MRPL13: variants seen among roughly 807,000 people sequenced by gnomAD.
The protein encoded by MRPL13 is mitochondrial ribosomal protein L13, also known as large ribosomal subunit protein uL13m.
A neutral mutation model predicts 29.0 loss-of-function variants in MRPL13; 33 were observed. The observed-to-expected ratio is 1.14, with a 90% CI of 0.86 to 1.52. MRPL13 has a LOEUF of 1.52. MRPL13 is among the 40% of genes most tolerant of loss of function. MRPL13 has a pLI of 0.00. For synonymous variants in MRPL13, 77 were observed against 68.4 expected (o/e 1.13, Z -0.62); for missense variants, 227 against 216.7 (o/e 1.05, Z -0.30).
At chr8:120,396,920 T>A (rs891603221) in intron 6 of MRPL13, among the ~76,000 whole-genome samples, 33 of 152,204 alleles carry the variant, frequency 2.2e-4, no homozygotes, top group African/African-American at 7.7e-4. Context: ...CCCAGAGGAA[T>A]GAAAATGGCA....
At chr8:120,437,216 A>G (rs959569878) in intron 2 of MRPL13, among the ~76,000 whole-genome samples, 2 of 152,214 alleles carry the variant, frequency 1.3e-5, no homozygotes, top group African/African-American at 4.8e-5. Flanking sequence ...TTAACTGAAT[A>G]GTAAGAGAAA....
chr8:120,420,779 T>C (rs951630058), intron 4 of MRPL13, among the ~76,000 whole-genome samples: 2 of 151,864 alleles, frequency 1.3e-5, no homozygotes, highest in African/African-American at 4.8e-5. Context: ...CTCTGAATAT[T>C]ATCATAAAGG....
chr8:120,399,292 A>G (rs1812560766), intron 6 of MRPL13, among the ~76,000 whole-genome samples: 1 of 152,172 alleles, frequency 6.6e-6, no homozygotes, highest in African/African-American at 2.4e-5. Flanking sequence ...CTAACAGTGG[A>G]CCTCTCAGTA....
At chr8:120,441,298 C>G (rs1196616032) in intron 2 of MRPL13, among the ~76,000 whole-genome samples, 1 of 152,126 alleles carries the variant, frequency 6.6e-6, no homozygotes, top group African/African-American at 2.4e-5. Context: ...GCAGTCAAAA[C>G]TGGAGATTTA....
At chr8:120,413,701 T>A (rs1812767976) in intron 6 of MRPL13, among the ~76,000 whole-genome samples, 1 of 152,206 alleles carries the variant, frequency 6.6e-6, no homozygotes, top group Non-Finnish European at 1.5e-5. Context: ...TTTAGATTAA[T>A]AACAATTCAT....
Position 120,404,385 on chromosome 8 carries a change from G to C in MRPL13, c.516-8260C>G, listed in dbSNP as rs372494364. Among the ~76,000 whole-genome samples the C allele has an allele frequency of 7.3e-4, 111 of 152,238 alleles. 1 individual carries two copies. Among genetic ancestry groups the C allele is most frequent in the African/African-American group, 2.6e-3 (106 of 41,550 alleles). ...TGGAATTTAGAAGTAAAATTGAATG[G>C]TATAATCCACCACATAAAGGAATGT... is the stretch of plus-strand genomic sequence containing the variant. On this transcript the variant is annotated intron_variant, in intron 6 of 6. Transcript: ENST00000306185.
chr8:120,416,996 A>AT (rs566913126), intron 5 of MRPL13, among the ~76,000 whole-genome samples: 148 of 152,294 alleles, frequency 9.7e-4, no homozygotes, highest in Non-Finnish European at 2.6e-4. Flanking sequence ...TTTAGTTACT[A>AT]TATTATGTTG....
intron 3 of MRPL13, among the ~76,000 whole-genome samples, chr8:120,425,779 T>C (rs1311097041): frequency 1.3e-5 from 2 of 152,178 alleles, no homozygotes; most frequent in Non-Finnish European, 2.9e-5. Flanking sequence ...CACTTGGTTC[T>C]GAATTAAGTT....
At chr8:120,433,545 A>G (rs1813020463) in intron 2 of MRPL13, among the ~76,000 whole-genome samples, 1 of 152,132 alleles carries the variant, frequency 6.6e-6, no homozygotes, top group Non-Finnish European at 1.5e-5. Flanking sequence ...CAGAGAGCAA[A>G]AAAGATCTTC....
At chr8:120,427,771 C>T (rs535294889) in intron 3 of MRPL13, among the ~76,000 whole-genome samples, 1 of 152,068 alleles carries the variant, frequency 6.6e-6, no homozygotes, top group South Asian at 2.1e-4. Context: ...CAAGACCAGC[C>T]TGGGCAACAC....
At chr8:120,421,911 A>G (rs1007046022) in intron 4 of MRPL13, among the ~76,000 whole-genome samples, 1 of 151,776 alleles carries the variant, frequency 6.6e-6, no homozygotes, top group African/African-American at 2.4e-5. Flanking sequence ...CAGCTGTGAT[A>G]TATATTATCA....
At chr8:120,429,382 C>G (rs1812971641) in intron 3 of MRPL13, among the ~76,000 whole-genome samples, 2 of 151,804 alleles carry the variant, frequency 1.3e-5, no homozygotes, top group African/African-American at 4.8e-5. Context: ...AGGAAAATAA[C>G]TAATGGGTAC....
chr8:120,405,533 T>C (rs1257163877), intron 6 of MRPL13, among the ~76,000 whole-genome samples: 4 of 152,164 alleles, frequency 2.6e-5, no homozygotes, highest in South Asian at 2.1e-4. Flanking sequence ...TGGGTTCCCC[T>C]TAGACCAAAG....
chr8:120,431,909 G>A, intron 3 of MRPL13, 121 bp downstream of exon 3: 2 of 665,504 alleles, frequency 3.0e-6, no homozygotes, highest in Non-Finnish European at 4.6e-6. Flanking sequence ...CATGGCATGA[G>A]TAAAATTAGT....
intron 6 of MRPL13, among the ~76,000 whole-genome samples, chr8:120,402,571 A>G (rs1047943221): frequency 1.3e-5 from 2 of 152,066 alleles, no homozygotes; most frequent in African/African-American, 4.8e-5. Flanking sequence ...GGGCAATACC[A>G]TTCAGGACAT....
Position 120,433,226 on chromosome 8 carries a change from G to A in MRPL13, c.152-1103C>T, listed in dbSNP as rs530669559. 2.6e-5 allele frequency among the ~76,000 whole-genome samples: 4 copies of A among 152,202 alleles called. No individual in the cohort carries two copies. In the South Asian group the frequency reaches 8.3e-4, roughly 32 times the overall value. On this transcript the variant is annotated intron_variant, in intron 2 of 6. Transcript: ENST00000306185. ...TTGAAGTTCCTAAAAGTGACACCCT[G>A]TTGGCTACTGAGGCAGTTGGGCGAA...
intron 2 of MRPL13, among the ~76,000 whole-genome samples, chr8:120,436,128 G>A (rs1056303625): frequency 6.6e-6 from 1 of 152,062 alleles, no homozygotes; most frequent in Non-Finnish European, 1.5e-5. Flanking sequence ...AAGAGTAATA[G>A]GGTGAAGCGA....
chr8:120,414,400 T>C (rs951370537), intron 5 of MRPL13: 2 of 186,450 alleles, frequency 1.1e-5, no homozygotes, highest in African/African-American at 4.8e-5. Context: ...TGCTTTCTCA[T>C]CTGACAAGTA....
chr8:120,430,551 T>A (rs1812986273), intron 3 of MRPL13, among the ~76,000 whole-genome samples: 1 of 152,196 alleles, frequency 6.6e-6, no homozygotes, highest in Non-Finnish European at 1.5e-5. Flanking sequence ...CTTTGAGCGA[T>A]GAGGAAATAG....
Sources: gnomAD v4.1 joint callset for allele counts (sites outside exome capture counted in the v4.1 genomes callset) on GRCh38, gnomAD v4.1.1 for gene constraint, MANE v1.5 for transcripts, NCBI Gene and HGNC (gene_info 2026-07-23, HGNC 2026-07-21) for gene names.